Variants in PCDH9 observed in about 807,000 individuals in gnomAD.
PCDH9 encodes protocadherin-9.
In PCDH9, 24 loss-of-function variants were observed where a neutral mutation model predicts 70.6. That is an observed-to-expected ratio of 0.34 (90% confidence interval 0.25 to 0.48). PCDH9 has a LOEUF of 0.48. Among genes scored for constraint, PCDH9 ranks in the 20% least tolerant of loss-of-function variants. The pLI is 0.99. For synonymous variants in PCDH9, 562 were observed against 558.5 expected, an observed-to-expected ratio of 1.01 and a Z score of -0.09; for missense variants, 1,281 against 1,503.6, an observed-to-expected ratio of 0.85 and a Z score of 2.45.
intron 4 of PCDH9, among the ~76,000 whole-genome samples, chr13:66,559,559 G>A (rs61474009): frequency 4.0e-5 from 6 of 151,766 alleles, no homozygotes; most frequent in East Asian, 1.9e-4. Context: ...CCAGCACTTC[G>A]GGAAGCTGAG....
chr13:66,521,787 C>T (rs533834555), intron 4 of PCDH9, among the ~76,000 whole-genome samples: 10 of 152,044 alleles, frequency 6.6e-5, no homozygotes, highest in Admixed American at 2.0e-4. Context: ...AAAACAAAAA[C>T]GATATTTAGG....
intron 2 of PCDH9, chr13:66,996,170 AAG>A (rs1269239711): frequency 2.0e-5 from 3 of 152,222 alleles, no homozygotes; most frequent in Non-Finnish European, 4.4e-5. Flanking sequence ...AGGTTTCATT[AAG>A]AGAATATCTT....
chr13:67,066,218 G>A (rs2085644410), intron 2 of PCDH9, among the ~76,000 whole-genome samples: 1 of 151,858 alleles, frequency 6.6e-6, no homozygotes, highest in African/African-American at 2.4e-5. Flanking sequence ...TCATTAAACA[G>A]CAGGCCATAA....
chr13:67,095,019 C>T (rs2086292132), intron 2 of PCDH9, among the ~76,000 whole-genome samples: 2 of 152,182 alleles, frequency 1.3e-5, no homozygotes, highest in African/African-American at 2.4e-5. Flanking sequence ...AAACATTTGG[C>T]TCTCCTTATG....
intron 2 of PCDH9, among the ~76,000 whole-genome samples, chr13:66,932,042 GA>G (rs1275621939): frequency 6.6e-6 from 1 of 152,086 alleles, no homozygotes; most frequent in East Asian, 1.9e-4. Context: ...TTAGTGAGAG[GA>G]AAGTCAGTAG....
At chr13:66,463,213 A>T (rs1451788135) in intron 4 of PCDH9, among the ~76,000 whole-genome samples, 1 of 151,750 alleles carries the variant, frequency 6.6e-6, no homozygotes, top group Non-Finnish European at 1.5e-5. Context: ...CATCTGGGAG[A>T]ATTCAATGAG....
At chr13:67,174,450 T>A (rs973296703) in intron 2 of PCDH9, among the ~76,000 whole-genome samples, 2 of 152,078 alleles carry the variant, frequency 1.3e-5, no homozygotes, top group Non-Finnish European at 2.9e-5. Flanking sequence ...TTATAAACAG[T>A]GTTGATTATA....
chr13:66,852,633 G>C (rs758487423), intron 3 of PCDH9, among the ~76,000 whole-genome samples: 1 of 152,152 alleles, frequency 6.6e-6, no homozygotes. Flanking sequence ...AAGGTGATCA[G>C]ATATTTTATA....
intron 4 of PCDH9, among the ~76,000 whole-genome samples, chr13:66,511,615 T>C (rs1176161783): frequency 6.6e-6 from 1 of 152,076 alleles, no homozygotes; most frequent in Non-Finnish European, 1.5e-5. Context: ...ATGTTAAAGG[T>C]GGGCTTGGTG....
intron 2 of PCDH9, among the ~76,000 whole-genome samples, chr13:67,037,002 C>A (rs2085022400): frequency 6.6e-6 from 1 of 152,096 alleles, no homozygotes; most frequent in African/African-American, 2.4e-5. Flanking sequence ...TAAATTAAAA[C>A]CAGGGTTTAA....
rs1215357346 is a variant in PCDH9 at position 66,751,878 on chromosome 13, T to C, written c.3139-120467A>G. ...TGCTAAACAGGAGTGCAGTGAAAAG[T>C]GAAACCAGTATTAGACTCATGAAAC... is the stretch of plus-strand genomic sequence containing the variant. On this transcript the variant is annotated intron_variant, in intron 3 of 4. Coordinates refer to ENST00000377865, the MANE Select transcript of PCDH9 (RefSeq NM_203487.3). Among the ~76,000 whole-genome samples the C allele has an allele frequency of 5.3e-5, 8 of 152,186 alleles. No individual in the cohort carries two copies. The East Asian group carries it at 1.5e-3, about 29-fold the overall frequency.
intron 4 of PCDH9, among the ~76,000 whole-genome samples, chr13:66,554,562 G>A (rs1436357390): frequency 2.0e-5 from 3 of 151,924 alleles, no homozygotes; most frequent in African/African-American, 7.3e-5. Context: ...ATTATATGTA[G>A]TTTATACTTT....
rs564857777 is a variant in PCDH9 at position 66,837,611 on chromosome 13, A to C, written c.3138+65893T>G. ...AGTAACGAGGAAGGGAAGGAGGAGAACAACACTGTGTAGGGGACAGAAAAC... is the reference window on the plus strand; with the variant it reads ...AGTAACGAGGAAGGGAAGGAGGAGACCAACACTGTGTAGGGGACAGAAAAC... On this transcript the variant is annotated intron_variant, in intron 3 of 4. Coordinates refer to ENST00000377865, the MANE Select transcript of PCDH9 (RefSeq NM_203487.3). Among the ~76,000 whole-genome samples the C allele has an allele frequency of 2.6e-4, 40 of 152,318 alleles. No homozygotes were observed. In the East Asian group the frequency reaches 7.7e-3, roughly 29 times the overall value.
intron 4 of PCDH9, among the ~76,000 whole-genome samples, chr13:66,468,015 AT>A (rs1292474697): frequency 6.6e-6 from 1 of 151,862 alleles, no homozygotes; most frequent in African/African-American, 2.4e-5. Flanking sequence ...AGTCTCCTAA[AT>A]TTGTATTGCT....
intron 4 of PCDH9, among the ~76,000 whole-genome samples, chr13:66,620,981 T>TA (rs1281828332): frequency 2.0e-5 from 3 of 152,082 alleles, no homozygotes; most frequent in Non-Finnish European, 2.9e-5. Context: ...ATAAATGAAT[T>TA]AAAAAATGGG....
chr13:66,870,689 T>C (rs893606126), intron 3 of PCDH9, among the ~76,000 whole-genome samples: 2 of 152,154 alleles, frequency 1.3e-5, no homozygotes, highest in Non-Finnish European at 2.9e-5. Flanking sequence ...CACAGTGAGA[T>C]ACCATCTCAC....
chr13:67,027,978 A>G (rs947038113), intron 2 of PCDH9, among the ~76,000 whole-genome samples: 1 of 150,184 alleles, frequency 6.7e-6, no homozygotes, highest in Admixed American at 6.6e-5. Context: ...GTGGGACTGT[A>G]AACTAGTTCA....
At chr13:66,641,799 G>A (rs1466263570) in intron 3 of PCDH9, among the ~76,000 whole-genome samples, 1 of 152,076 alleles carries the variant, frequency 6.6e-6, no homozygotes, top group African/African-American at 2.4e-5. Flanking sequence ...GCAAAACTGT[G>A]TCTGTATTTA....
At chr13:66,902,919 C>T (rs1229676019) in intron 3 of PCDH9, among the ~76,000 whole-genome samples, 1 of 151,586 alleles carries the variant, frequency 6.6e-6, no homozygotes, top group East Asian at 1.9e-4. Context: ...AAAAGAACAA[C>T]TATGGATCTT....
Sources: allele counts gnomAD v4.1 joint callset (sites outside exome capture counted in the v4.1 genomes callset), GRCh38; gene constraint gnomAD v4.1.1; transcripts MANE v1.5; gene names NCBI Gene and HGNC (gene_info 2026-07-23, HGNC 2026-07-21).